ADGRE1: variants seen among roughly 807,000 people sequenced by gnomAD.
ADGRE1 encodes the protein EGF-like module receptor 1.
In ADGRE1, 82 loss-of-function variants were observed where a neutral mutation model predicts 102.7. The ratio of observed to expected loss-of-function variants is 0.80; its 90% confidence interval spans 0.67 to 0.96. The LOEUF is 0.96. Among genes scored for constraint, ADGRE1 ranks in the 40% least tolerant of loss-of-function variants. ADGRE1 has a pLI of 0.00. For synonymous variants in ADGRE1, 398 were observed against 399.6 expected (o/e 1.00, Z 0.05); for missense variants, 1,032 against 1,085.3 (o/e 0.95, Z 0.69).
At chr19:6,921,303 T>G (rs1974656669) in intron 13 of ADGRE1, among the ~76,000 whole-genome samples, 1 of 152,070 alleles carries the variant, frequency 6.6e-6, no homozygotes, top group South Asian at 2.1e-4. Context: ...GCACCTGTAA[T>G]CCCAGCTACT....
Position 6,890,508 on chromosome 19 carries a change from G to A in ADGRE1, c.59G>A (p.Gly20Glu), listed in dbSNP as rs1422289063. 3.1e-6 allele frequency: 5 copies of A among 1,612,422 alleles called. No individual in the cohort carries two copies. In the South Asian group the frequency reaches 3.3e-5, roughly 11 times the overall value. ...WGCCVMHSWE[G>E]HIRPTRKPNT... ...TGTTGTGTTATGCACAGCTGGGAAGGGCACATAAGACCCACACGGAAACCA... is the reference window on the plus strand; with the variant it reads ...TGTTGTGTTATGCACAGCTGGGAAGAGCACATAAGACCCACACGGAAACCA... Residue 20 changes from glycine to glutamate, a missense_variant, in exon 2 of 21, where the codon GGG (glycine) becomes GAG (glutamate). By Grantham distance (98) the Gly-to-Glu change is moderately conservative (BLOSUM62 -2). Coordinates refer to ENST00000312053, the MANE Select transcript of ADGRE1 (RefSeq NM_001974.5).
intron 12 of ADGRE1, among the ~76,000 whole-genome samples, chr19:6,918,356 G>A (rs930662521): frequency 6.6e-6 from 1 of 151,968 alleles, no homozygotes; most frequent in Non-Finnish European, 1.5e-5. Context: ...CAGGAGAATC[G>A]CTTGAACCCG....
intron 8 of ADGRE1, 75 bp downstream of exon 8, chr19:6,904,257 C>T: frequency 6.4e-7 from 1 of 1,561,246 alleles, no homozygotes; most frequent in Non-Finnish European, 8.7e-7. Context: ...TTCTACCCAA[C>T]CTCGGGATCT....
intron 13 of ADGRE1, among the ~76,000 whole-genome samples, chr19:6,920,380 C>A (rs895127073): frequency 2.0e-5 from 3 of 151,760 alleles, no homozygotes; most frequent in Admixed American, 2.0e-4. Flanking sequence ...CCACCATGAC[C>A]GGCTAATTTT....
chr19:6,926,154 T>G (rs1189555148), intron 15 of ADGRE1, among the ~76,000 whole-genome samples: 1 of 152,206 alleles, frequency 6.6e-6, no homozygotes, highest in Non-Finnish European at 1.5e-5. Context: ...TTGGGAAATC[T>G]TAGGTCCAGA....
intron 10 of ADGRE1, among the ~76,000 whole-genome samples, chr19:6,911,843 C>G (rs111211944): frequency 8.7e-5 from 13 of 149,688 alleles, no homozygotes; most frequent in African/African-American, 3.2e-4. Flanking sequence ...CACACACACC[C>G]CACACACATT....
chr19:6,911,994 C>T (rs911748986), intron 10 of ADGRE1, among the ~76,000 whole-genome samples: 1 of 151,872 alleles, frequency 6.6e-6, no homozygotes, highest in Non-Finnish European at 1.5e-5. Flanking sequence ...CACAGATACA[C>T]ACATACACAT....
intron 11 of ADGRE1, among the ~76,000 whole-genome samples, chr19:6,915,942 A>AG (rs1974361402): frequency 6.6e-6 from 1 of 150,660 alleles, no homozygotes; most frequent in African/African-American, 2.4e-5. Flanking sequence ...AAAAAAAAAA[A>AG]AAAACTTAGA....
chr19:6,898,624 C>G (rs191190406), intron 5 of ADGRE1: 1 of 1,445,192 alleles, frequency 6.9e-7, no homozygotes, highest in African/African-American at 1.4e-5. Context: ...CTGCCCTGAG[C>G]ATTCTGACTG....
intron 16 of ADGRE1, among the ~76,000 whole-genome samples, chr19:6,927,636 G>A (rs1453568428): frequency 6.6e-6 from 1 of 151,522 alleles, no homozygotes; most frequent in Non-Finnish European, 1.5e-5. Flanking sequence ...CATTTGAGCT[G>A]AGATTTATTT....
chr19:6,911,342 T>C (rs1294508842), intron 10 of ADGRE1, among the ~76,000 whole-genome samples: 2 of 151,566 alleles, frequency 1.3e-5, no homozygotes, highest in Non-Finnish European at 2.9e-5. Context: ...TTTAATTCAT[T>C]TAATGCATTT....
At chr19:6,928,509 C>A in intron 17 of ADGRE1, 1 of 486,610 alleles carries the variant, frequency 2.1e-6, no homozygotes. Flanking sequence ...CACTTGTAAT[C>A]CCAGCTACTT....
At chr19:6,892,751 C>A (rs149008376) in intron 2 of ADGRE1, among the ~76,000 whole-genome samples, 111 of 152,346 alleles carry the variant, frequency 7.3e-4, no homozygotes, top group African/African-American at 2.6e-3. Flanking sequence ...TCAATGTGGT[C>A]TGCATACACA....
At chr19:6,897,777 A>T (rs1290404650) in intron 5 of ADGRE1, 6 of 308,390 alleles carry the variant, frequency 1.9e-5, no homozygotes, top group Admixed American at 1.4e-4. Flanking sequence ...GGGTCTTTTT[A>T]AAAAATTTTT....
At chr19:6,920,888 T>G (rs1168227567) in intron 13 of ADGRE1, among the ~76,000 whole-genome samples, 1 of 152,182 alleles carries the variant, frequency 6.6e-6, no homozygotes, top group Admixed American at 6.6e-5. Flanking sequence ...TTTTTATGAT[T>G]TTTTCTCCCA....
At position 6,901,554 on chromosome 19, in the gene ADGRE1, T is replaced by C. The variant is rs1443208348; in HGVS notation, c.515-321T>C. 3.9e-5 allele frequency among the ~76,000 whole-genome samples: 6 copies of C among 152,346 alleles called. No homozygotes were observed. In the East Asian group the frequency reaches 1.2e-3, roughly 29 times the overall value. The stretch of plus-strand genomic sequence containing the variant: ...TGGTAAAGTCACATCTCTTACAATC[T>C]ACATCTTGGGGTGTAAATACAGAGA... On this transcript the variant is annotated intron_variant, in intron 5 of 20. Coordinates refer to ENST00000312053, the MANE Select transcript of ADGRE1 (RefSeq NM_001974.5).
rs763402919 is a variant in ADGRE1 at position 6,935,071 on chromosome 19, GAC to G, written c.2377_2378del (p.Thr793GlnfsTer119). 2.0e-5 allele frequency: 32 copies of G among 1,590,660 alleles called. No individual in the cohort carries two copies. The highest frequency in any genetic ancestry group is 1.7e-4 in the Middle Eastern group (1 of 6,002). On this transcript the variant is annotated frameshift_variant, in exon 18 of 21. Transcript: ENST00000312053. LOFTEE classifies it high-confidence loss of function. ...SVNAEVSTLK[D>X]TRLLTFKAFA... ...TAATGCCGAAGTCTCAACGCTAAAAGACACCAGGTAAAGCCCTCTTTCACCTC... is the reference window on the plus strand; with the variant it reads ...TAATGCCGAAGTCTCAACGCTAAAAGACCAGGTAAAGCCCTCTTTCACCTC...
rs1003922546 is a variant in ADGRE1, at chr19:6,906,601, C to G, written c.1038+80C>G. ...TAGAATGTTGTTTTTGCAGTTCTAA[C>G]AAAGGCAAAAGTAATAGTGGCCAAA... is the stretch of plus-strand genomic sequence containing the variant. On this transcript the variant is annotated intron_variant, in intron 9 of 20. Coordinates refer to ENST00000312053, the MANE Select transcript of ADGRE1 (RefSeq NM_001974.5). The G allele has an allele frequency of 6.7e-6, 9 of 1,344,604 alleles. No homozygotes were observed. The African/African-American group carries it at 1.3e-4, about 20-fold the overall frequency. The allele number at this position is 1,344,604 out of a possible 1,614,324, so 83.3% of individuals were successfully genotyped here.
chr19:6,919,521 C>CT (rs753622944), intron 12 of ADGRE1, 27 bp from the exon 13 acceptor site: 111 of 1,538,312 alleles, frequency 7.2e-5, no homozygotes, highest in South Asian at 2.8e-4. Context: ...CGATTCCTTC[C>CT]TTTTTTTCAT....
Sources: gnomAD v4.1 joint callset for allele counts (sites outside exome capture counted in the v4.1 genomes callset) on GRCh38, gnomAD v4.1.1 for gene constraint, MANE v1.5 for transcripts, NCBI Gene and HGNC (gene_info 2026-07-23, HGNC 2026-07-21) for gene names.